The following SPTAN1 variants were observed in gnomAD, a reference collection of about 807,000 sequenced individuals.
SPTAN1 encodes the protein spectrin alpha, non-erythrocytic 1.
SPTAN1 carries 61 observed loss-of-function variants against 331.3 expected under a neutral mutation model. The ratio of observed to expected loss-of-function variants is 0.18; its 90% CI spans 0.15 to 0.23. The LOEUF is 0.23. Among genes scored for constraint, SPTAN1 ranks in the 10% least tolerant of loss-of-function variants. SPTAN1 has a pLI of 1.00. For synonymous variants in SPTAN1, 1,153 were observed against 1,173.9 expected, an observed-to-expected ratio of 0.98 and a Z score of 0.36; for missense variants, 2,043 against 3,147.9, an observed-to-expected ratio of 0.65 and a Z score of 8.40.
At position 128,601,950 on chromosome 9, in the gene SPTAN1, C is replaced by G. The variant is rs145893135; in HGVS notation, c.3580-1593C>G. On this transcript the variant is annotated intron_variant, in intron 27 of 56. Coordinates refer to ENST00000372739, the MANE Select transcript of SPTAN1 (RefSeq NM_001130438.3). ...CTTTTCTCACTCTTCCCTTTTCTTA[C>G]GTAGCAAAACTTGGTCATTGATGAT... Among the ~76,000 whole-genome samples the G allele has an allele frequency of 2.3e-3, 353 of 152,286 alleles. 1 individual carries two copies. Among genetic ancestry groups the G allele is most frequent in the Non-Finnish European group, 4.3e-3 (293 of 68,020 alleles).
intron 3 of SPTAN1, among the ~76,000 whole-genome samples, chr9:128,571,353 G>T (rs1221149627): frequency 1.3e-5 from 2 of 151,024 alleles, no homozygotes; most frequent in Non-Finnish European, 2.9e-5. Context: ...GGGAGGCTGA[G>T]ATGGGCGGAT....
rs138275607 is a variant in SPTAN1, at chr9:128,585,940, A to G, written c.2753A>G (p.Tyr918Cys). The change falls in exon 19 of 57, where the codon TAT becomes TGT. Residue 918 changes from tyrosine (Y) to cysteine (C), a missense_variant. Transcript: ENST00000372739. ...EKEPIVGSTD[Y>C]GKDEDSAEAL... The stretch of plus-strand genomic sequence containing the variant: ...GAACCCATTGTGGGCAGCACTGACT[A>G]TGGCAAGGACGAAGACTCTGCTGAG... The G allele has an allele frequency of 6.8e-5, 110 of 1,612,904 alleles. No individual in the cohort carries two copies. The African/African-American group carries it at 1.3e-3, about 20-fold the overall frequency.
chr9:128,597,991 C>T (rs1854540066), intron 24 of SPTAN1, among the ~76,000 whole-genome samples: 1 of 151,042 alleles, frequency 6.6e-6, no homozygotes, highest in Non-Finnish European at 1.5e-5. Flanking sequence ...TCTTGTTGCA[C>T]AGGCTGGAGT....
intron 30 of SPTAN1, 56 bp from the exon 31 acceptor site, chr9:128,605,240 T>C: frequency 2.5e-6 from 4 of 1,614,168 alleles, no homozygotes; most frequent in Non-Finnish European, 3.4e-6. Context: ...CAGAGTCTTC[T>C]GTTCTGCAGA....
intron 46 of SPTAN1, chr9:128,624,750 G>C (rs185369614): frequency 3.5e-6 from 2 of 568,670 alleles, no homozygotes; most frequent in Non-Finnish European, 6.3e-6. Context: ...ATAATGTGAC[G>C]TCATGGCATG....
Position 128,625,055 on chromosome 9 carries a change from C to T in SPTAN1, c.5993-48C>T. 6.4e-7 allele frequency: 1 copy of T among 1,552,266 alleles called. No homozygotes were observed. The highest frequency in any genetic ancestry group is 8.9e-7 in the Non-Finnish European group (1 of 1,123,792). ...GGTTTTGATGTTTTTCCTTTCTAAT[C>T]CATCTCCACTGAGGAGGGCAGTATA... is the stretch of plus-strand genomic sequence containing the variant. On this transcript the variant is annotated intron_variant, in intron 46 of 56. Transcript: ENST00000372739. The surrounding 1 kb of genome is among the most constrained non-coding windows in gnomAD (Gnocchi z 4.1).
intron 1 of SPTAN1, among the ~76,000 whole-genome samples, chr9:128,560,084 C>T (rs1471032321): frequency 7.7e-6 from 1 of 129,840 alleles, no homozygotes; most frequent in African/African-American, 3.0e-5. Flanking sequence ...TCCACCTCAC[C>T]TTTTTTTTTT....
At chr9:128,601,983 G>A (rs1855208267) in intron 27 of SPTAN1, among the ~76,000 whole-genome samples, 1 of 152,028 alleles carries the variant, frequency 6.6e-6, no homozygotes, top group Non-Finnish European at 1.5e-5. Context: ...GATATGAATG[G>A]GCAACAGCCT....
rs558449802 is a variant in SPTAN1, at chr9:128,632,174, C to T, written c.6810C>T (p.Ile2270=). The T allele has an allele frequency of 3.0e-5, 48 of 1,613,462 alleles. No individual in the cohort carries two copies. Among genetic ancestry groups the T allele is most frequent in the Admixed American group, 2.2e-4 (13 of 60,020 alleles). Reference sequence around the variant, plus strand: ...CCATGAGAAGTCAGCTCAAAAAGATCGAGGACCTGGGGGCCGCCATGGAGG... The same window carrying T: ...CCATGAGAAGTCAGCTCAAAAAGATTGAGGACCTGGGGGCCGCCATGGAGG... ...IRAMRSQLKK[I]EDLGAAMEEA... The change falls in exon 53 of 57, where the codon ATC becomes ATT. Residue 2270 remains isoleucine, a synonymous_variant. Transcript: ENST00000372739.
At chr9:128,561,915 A>G (rs966819511) in intron 1 of SPTAN1, among the ~76,000 whole-genome samples, 2 of 151,942 alleles carry the variant, frequency 1.3e-5, no homozygotes, top group Non-Finnish European at 1.5e-5. Context: ...GTGCCCAGAG[A>G]GTAAGAGTAA....
chr9:128,597,971 G>A (rs1232571012), intron 24 of SPTAN1, among the ~76,000 whole-genome samples: 1 of 147,814 alleles, frequency 6.8e-6, no homozygotes, highest in Non-Finnish European at 1.5e-5. Context: ...TTTTTGAGAT[G>A]GAGTTTCGCT....
At position 128,633,164 on chromosome 9, in the gene SPTAN1, G is replaced by A. The variant is rs952820469; in HGVS notation, c.7309-45G>A. The A allele has an allele frequency of 1.9e-6, 3 of 1,613,306 alleles. No individual in the cohort carries two copies. The African/African-American group carries it at 4.0e-5, about 22-fold the overall frequency. ...AGACCTGGGAGGTCGGGTTTGAAGT[G>A]GGTGCAGCTGGCTCAGGCACCAGGT... On this transcript the variant is annotated intron_variant, in intron 56 of 56. Transcript: ENST00000372739.
At chr9:128,558,948 G>A (rs898293749) in intron 1 of SPTAN1, among the ~76,000 whole-genome samples, 1 of 152,168 alleles carries the variant, frequency 6.6e-6, no homozygotes, top group Non-Finnish European at 1.5e-5. Context: ...ACTGGAACTC[G>A]TGTAGATAAA....
intron 3 of SPTAN1, among the ~76,000 whole-genome samples, chr9:128,572,342 C>T (rs1040787482): frequency 6.6e-6 from 1 of 152,186 alleles, no homozygotes; most frequent in East Asian, 1.9e-4. Context: ...GTGCACCTGC[C>T]TCCCTGCCCA....
Position 128,568,786 on chromosome 9 carries a change from G to A in SPTAN1, c.252G>A (p.Lys84=), listed in dbSNP as rs1850328822. ...DPTNLQGKLQ[K]HQAFEAEVQA... is the part of the protein sequence containing the mutation. Reference sequence around the variant, plus strand: ...TCCGCCAACAGGGAAAGCTTCAGAAGCATCAAGCATTTGAAGCTGAAGTGC... The same window carrying A: ...TCCGCCAACAGGGAAAGCTTCAGAAACATCAAGCATTTGAAGCTGAAGTGC... The change falls in exon 3 of 57, where the codon AAG becomes AAA. Residue 84 remains lysine, a synonymous_variant. Coordinates refer to ENST00000372739, the MANE Select transcript of SPTAN1 (RefSeq NM_001130438.3). 6.2e-7 allele frequency: 1 copy of A among 1,614,026 alleles called. No homozygotes were observed. Among genetic ancestry groups the A allele is most frequent in the African/African-American group, 1.3e-5 (1 of 74,934 alleles).
Position 128,625,044 on chromosome 9 carries a change from TC to T in SPTAN1, c.5993-57del. 1 of 1,524,142 alleles carries T rather than the reference TC, an allele frequency of 6.6e-7. No homozygotes were observed. The highest frequency in any genetic ancestry group is 9.1e-7 in the Non-Finnish European group (1 of 1,098,388). 94.4% of individuals were successfully genotyped at this position (1,524,142 alleles called of 1,614,324 possible). On this transcript the variant is annotated intron_variant, in intron 46 of 56. Transcript: ENST00000372739. This position sits in a 1 kb window ranked among gnomAD's most constrained non-coding sequence, Gnocchi z 4.1. ...TGGTTTGTCTGGGTTTTGATGTTTT[TC>T]CTTTCTAATCCATCTCCACTGAGGA...
Position 128,624,330 on chromosome 9 carries a change from C to T in SPTAN1, c.5835C>T (p.Asn1945=). The stretch of plus-strand genomic sequence containing the variant: ...GTGTGCCTCTCTCCATGGCCTAGAA[C>T]AATCACCATGAGGAGAACATCTCTT... ...CTNGQDLIKK[N]NHHEENISSK... is the part of the protein sequence containing the mutation. Residue 1945 remains asparagine (N), a splice_region_variant and synonymous_variant, in exon 46 of 57, where the codon AAC becomes AAT. Coordinates refer to ENST00000372739, the MANE Select transcript of SPTAN1 (RefSeq NM_001130438.3). 6.2e-7 allele frequency: 1 copy of T among 1,613,840 alleles called. No individual in the cohort carries two copies. Among genetic ancestry groups the T allele is most frequent in the South Asian group, 1.1e-5 (1 of 91,076 alleles).
Position 128,625,841 on chromosome 9 carries a change from C to T in SPTAN1, c.6142C>T (p.Leu2048Phe). ...IANITALKDQ[L>F]LAAKHVQSKA... is the part of the protein sequence containing the mutation. ...CAACATCACTGCCCTCAAAGATCAG[C>T]TTCTCGCCGCCAAACACGTTCAGTC... The change falls in exon 48 of 57, where the codon CTT (leucine) becomes TTT (phenylalanine). Residue 2048 changes from leucine to phenylalanine, a missense_variant. By Grantham distance (22) the Leu-to-Phe change is conservative. Transcript: ENST00000372739. This position sits in a 1 kb window ranked among gnomAD's most constrained non-coding sequence, Gnocchi z 4.1. The T allele has an allele frequency of 6.2e-7, 1 of 1,614,208 alleles. No individual in the cohort carries two copies. The highest frequency in any genetic ancestry group is 8.5e-7 in the Non-Finnish European group (1 of 1,180,048).
intron 21 of SPTAN1, among the ~76,000 whole-genome samples, chr9:128,589,845 G>C (rs1007526797): frequency 6.6e-6 from 1 of 152,156 alleles, no homozygotes; most frequent in Non-Finnish European, 1.5e-5. Flanking sequence ...AAAGTGCTGA[G>C]ATTACAGGCA....
Sources: gnomAD v4.1 joint callset for allele counts (sites outside exome capture counted in the v4.1 genomes callset) on GRCh38, gnomAD v4.1.1 for gene constraint, Gnocchi (gnomAD v3.1) non-coding constraint, MANE v1.5 for transcripts, NCBI Gene and HGNC (gene_info 2026-07-23, HGNC 2026-07-21) for gene names.